GPC6: variants seen among roughly 807,000 people sequenced by gnomAD.
GPC6 encodes glypican 6.
A neutral mutation model predicts 55.2 loss-of-function variants in GPC6; 14 were observed. The ratio of observed to expected loss-of-function variants is 0.25; its 90% confidence interval spans 0.17 to 0.40. The LOEUF is 0.40. Ranked by LOEUF, GPC6 falls within the 10% of genes least tolerant of loss-of-function variation. The probability of loss-of-function intolerance (pLI) is 1.00; values close to 1 mark genes in which losing one functional copy is unlikely to be tolerated. For missense variants in GPC6, 641 were observed against 708.5 expected (o/e 0.90, Z 1.08); for synonymous variants, 278 against 259.6 (o/e 1.07, Z -0.68).
chr13:93,722,083 T>A (rs975531191), intron 2 of GPC6, among the ~76,000 whole-genome samples: 1 of 151,882 alleles, frequency 6.6e-6, no homozygotes. Context: ...AGTACTTTAA[T>A]AAATAACATT....
chr13:94,194,784 T>C (rs1222701717), intron 4 of GPC6, among the ~76,000 whole-genome samples: 2 of 152,136 alleles, frequency 1.3e-5, no homozygotes, highest in Admixed American at 6.6e-5. Context: ...AAAAGAATAC[T>C]TTAACTGAAC....
intron 2 of GPC6, among the ~76,000 whole-genome samples, chr13:93,751,546 G>T (rs947562571): frequency 6.6e-6 from 1 of 151,402 alleles, no homozygotes; most frequent in Non-Finnish European, 1.5e-5. Flanking sequence ...TATAGAGATG[G>T]GGTTTTACTC....
chr13:93,322,423 T>TC (rs1879481398), intron 1 of GPC6, among the ~76,000 whole-genome samples: 2 of 146,604 alleles, frequency 1.4e-5, no homozygotes, highest in South Asian at 4.3e-4. Flanking sequence ...CTTTTTTTTT[T>TC]CTTTCTTCTT....
At chr13:94,018,040 G>C (rs1280401653) in intron 3 of GPC6, among the ~76,000 whole-genome samples, 1 of 152,118 alleles carries the variant, frequency 6.6e-6, no homozygotes, top group African/African-American at 2.4e-5. Context: ...CATTGAATAT[G>C]ATGTTAGCTG....
intron 4 of GPC6, among the ~76,000 whole-genome samples, chr13:94,051,452 C>T (rs1883945645): frequency 6.6e-6 from 1 of 152,110 alleles, no homozygotes. Flanking sequence ...AAGGCATATA[C>T]TCTTGTTGCT....
chr13:94,178,411 T>C (rs1888865420), intron 4 of GPC6, among the ~76,000 whole-genome samples: 1 of 152,174 alleles, frequency 6.6e-6, no homozygotes, highest in Non-Finnish European at 1.5e-5. Flanking sequence ...ATAAATTGTA[T>C]GCAAACCATA....
chr13:93,382,852 T>A (rs1875237890), intron 1 of GPC6, among the ~76,000 whole-genome samples: 1 of 152,198 alleles, frequency 6.6e-6, no homozygotes, highest in Non-Finnish European at 1.5e-5. Context: ...TGTCCCTACT[T>A]CCCTAAAGCA....
At chr13:93,298,322 A>G (rs142618668) in intron 1 of GPC6, among the ~76,000 whole-genome samples, 1 of 152,294 alleles carries the variant, frequency 6.6e-6, no homozygotes, top group African/African-American at 2.4e-5. Flanking sequence ...ATAGTCATAG[A>G]TTTCAGGATT....
chr13:93,747,520 G>A (rs1240050682), intron 2 of GPC6, among the ~76,000 whole-genome samples: 2 of 152,252 alleles, frequency 1.3e-5, no homozygotes, highest in African/African-American at 2.4e-5. Flanking sequence ...CCATCATCCA[G>A]CAATTAATTT....
intron 2 of GPC6, among the ~76,000 whole-genome samples, chr13:93,744,357 A>G (rs1884312426): frequency 6.6e-6 from 1 of 151,834 alleles, no homozygotes; most frequent in Non-Finnish European, 1.5e-5. Flanking sequence ...CTGCTTTTCT[A>G]ATCTATCCCC....
intron 4 of GPC6, among the ~76,000 whole-genome samples, chr13:94,068,394 A>G (rs1189353040): frequency 6.6e-6 from 1 of 152,204 alleles, no homozygotes; most frequent in Non-Finnish European, 1.5e-5. Flanking sequence ...GTTAAAATTC[A>G]AGATGAGATT....
chr13:94,101,130 G>A (rs1390006356), intron 4 of GPC6, among the ~76,000 whole-genome samples: 1 of 152,206 alleles, frequency 6.6e-6, no homozygotes, highest in South Asian at 2.1e-4. Flanking sequence ...CCCATGCAGT[G>A]CAGCAGCTTT....
At position 94,372,574 on chromosome 13, in the gene GPC6, G is replaced by C. The variant is rs1431180092; in HGVS notation, c.1153-9840G>C. Among the ~76,000 whole-genome samples the C allele has an allele frequency of 4.1e-3, 623 of 152,242 alleles. 5 individuals carry two copies. The highest frequency in any genetic ancestry group is 0.014 in the African/African-American group (565 of 41,532). Reference sequence around the variant, plus strand: ...GCTCGGAGGGTCCTACGCCCACGGAGTCTCGCTGATTGCTAGCACAGCAGT... The same window carrying C: ...GCTCGGAGGGTCCTACGCCCACGGACTCTCGCTGATTGCTAGCACAGCAGT... On this transcript the variant is annotated intron_variant, in intron 6 of 8. Coordinates refer to ENST00000377047, the MANE Select transcript of GPC6 (RefSeq NM_005708.5).
At chr13:94,234,914 A>G (rs955612630) in intron 4 of GPC6, among the ~76,000 whole-genome samples, 2 of 152,194 alleles carry the variant, frequency 1.3e-5, no homozygotes, top group Non-Finnish European at 2.9e-5. Context: ...AAAGTAGTCA[A>G]ACTCATAGAG....
At position 93,568,666 on chromosome 13, in the gene GPC6, T is replaced by A. The variant is rs75314666; in HGVS notation, c.319+23245T>A. Among the ~76,000 whole-genome samples the A allele has an allele frequency of 1.2e-4, 18 of 152,314 alleles. 1 individual carries two copies. The East Asian group carries it at 2.9e-3, about 25-fold the overall frequency. On this transcript the variant is annotated intron_variant, in intron 2 of 8. Coordinates refer to ENST00000377047, the MANE Select transcript of GPC6 (RefSeq NM_005708.5). ...GTACTGCCATGAAAATCTAGCTCGG[T>A]GTGAGACCTCTGCACATCCTTACAA...
In GPC6 at chr13:93,669,474, G is replaced by A. The variant is rs146928870; in HGVS notation, c.319+124053G>A. ...TTGTAAGCCCACTGCTTGTCAATTC[G>A]CTTGGTACCTCTGTGTACCAGACAC... is the stretch of plus-strand genomic sequence containing the variant. On this transcript the variant is annotated intron_variant, in intron 2 of 8. Coordinates refer to ENST00000377047, the MANE Select transcript of GPC6 (RefSeq NM_005708.5). 3.0e-3 allele frequency among the ~76,000 whole-genome samples: 456 copies of A among 152,236 alleles called. 6 individuals carry two copies. The East Asian group carries it at 0.032, about 11-fold the overall frequency.
At chr13:93,559,588 C>T (rs958121162) in intron 2 of GPC6, among the ~76,000 whole-genome samples, 3 of 152,126 alleles carry the variant, frequency 2.0e-5, no homozygotes, top group Admixed American at 6.6e-5. Context: ...CTGAAAATCC[C>T]AGAGCCTCTA....
chr13:94,157,109 T>C (rs1351745947), intron 4 of GPC6, among the ~76,000 whole-genome samples: 5 of 152,120 alleles, frequency 3.3e-5, no homozygotes, highest in Admixed American at 3.3e-4. Flanking sequence ...GGGCCAAGAC[T>C]CCTAAATCTG....
intron 1 of GPC6, among the ~76,000 whole-genome samples, chr13:93,520,749 T>C (rs180728566): frequency 6.6e-6 from 1 of 152,064 alleles, no homozygotes; most frequent in East Asian, 1.9e-4. Context: ...GTAGATAACT[T>C]ACATGGACAA....
Sources: gnomAD v4.1 joint callset for allele counts (sites outside exome capture counted in the v4.1 genomes callset) on GRCh38, gnomAD v4.1.1 for gene constraint, MANE v1.5 for transcripts, NCBI Gene and HGNC (gene_info 2026-07-23, HGNC 2026-07-21) for gene names.